CEP78: variants seen among roughly 807,000 people sequenced by gnomAD.
The protein encoded by CEP78 is centrosomal protein of 78 kDa.
In CEP78, 76 loss-of-function variants were observed where a neutral mutation model predicts 81.2. The ratio of observed to expected loss-of-function variants is 0.94; its 90% CI spans 0.78 to 1.13. The LOEUF (loss-of-function observed/expected upper bound fraction) is 1.13, where lower values mean the gene tolerates loss of function less well. CEP78 is among the 50% of genes most tolerant of loss of function. CEP78 has a pLI of 0.00. For synonymous variants in CEP78, 293 were observed against 301.4 expected (o/e 0.97, Z 0.29); for missense variants, 918 against 846.8 (o/e 1.08, Z -1.04).
chr9:78,254,616 A>G, intron 10 of CEP78: 1 of 208,682 alleles, frequency 4.8e-6, no homozygotes, highest in East Asian at 1.0e-4. Flanking sequence ...GGGCGATTCC[A>G]GTATTAATTA....
At chr9:78,257,052 A>G (rs1192099929) in intron 11 of CEP78, among the ~76,000 whole-genome samples, 2 of 152,054 alleles carry the variant, frequency 1.3e-5, no homozygotes, top group Non-Finnish European at 2.9e-5. Context: ...GAGGTCTAAC[A>G]TGTTACTGTA....
chr9:78,238,946 G>A (rs1301391517), intron 1 of CEP78, among the ~76,000 whole-genome samples: 1 of 151,824 alleles, frequency 6.6e-6, no homozygotes, highest in East Asian at 1.9e-4. Context: ...CCATGATTTT[G>A]CCACTGTACT....
In CEP78 at chr9:78,236,462, C is replaced by G; in HGVS notation, c.112C>G (p.Leu38Val). The change falls in exon 1 of 17, where the codon CTC (leucine) becomes GTC (valine). Residue 38 changes from leucine (L) to valine (V), a missense_variant. Physicochemically the swap from Leu to Val is conservative, Grantham distance 32 (BLOSUM62 1). Coordinates refer to ENST00000643273, the MANE Select transcript of CEP78 (RefSeq NM_001330691.3). ...SVPLPAVRAC[L>V]REGVLDFNAD... The stretch of plus-strand genomic sequence containing the variant: ...GCCGCTGCCCGCCGTGCGCGCCTGT[C>G]TCCGGGAGGGCGTGCTGGATTTCAA... The G allele has an allele frequency of 1.2e-6, 2 of 1,606,270 alleles. No homozygotes were observed. The highest frequency in any genetic ancestry group is 2.2e-5 in the East Asian group (1 of 44,630).
Position 78,239,881 on chromosome 9 carries a change from A to G in CEP78, c.254-142A>G, listed in dbSNP as rs1425901891. ...CTATGTACATAGTTTGGTATATCCC[A>G]TGTGGCTTGAGTTTACATGTGTCTG... On this transcript the variant is annotated intron_variant, in intron 1 of 16. Coordinates refer to ENST00000643273, the MANE Select transcript of CEP78 (RefSeq NM_001330691.3). 23 of 630,908 alleles carry G rather than the reference A, an allele frequency of 3.6e-5. No individual in the cohort carries two copies. In the Admixed American group the frequency reaches 7.9e-4, roughly 22 times the overall value. 39.1% of individuals were successfully genotyped at this position (630,908 alleles called of 1,614,324 possible).
At chr9:78,269,141 A>C (rs1055852853) in intron 16 of CEP78, among the ~76,000 whole-genome samples, 1 of 152,194 alleles carries the variant, frequency 6.6e-6, no homozygotes, top group African/African-American at 2.4e-5. Flanking sequence ...CTTAGCAAGA[A>C]GAGAAAGGGA....
At position 78,246,692 on chromosome 9, in the gene CEP78, C is replaced by G. The variant is rs369779785; in HGVS notation, c.802C>G (p.Leu268Val). The change falls in exon 6 of 17, where the codon CTC (leucine) becomes GTC (valine). Residue 268 changes from leucine (L) to valine (V), a missense_variant. By Grantham distance (32) the Leu-to-Val change is conservative (BLOSUM62 1). Coordinates refer to ENST00000643273, the MANE Select transcript of CEP78 (RefSeq NM_001330691.3). ...LRALDLQQCGLTNEGAKALLE... is the reference protein window; with the variant it reads ...LRALDLQQCGVTNEGAKALLE... ...AGCTCTTGACCTGCAACAGTGCGGC[C>G]TCACCAATGAAGGAGCAAAGGCTTT... 2.5e-6 allele frequency: 4 copies of G among 1,609,606 alleles called. No homozygotes were observed. In the African/African-American group the frequency reaches 5.4e-5, roughly 22 times the overall value.
At chr9:78,247,364 G>A (rs1826542388) in intron 6 of CEP78, among the ~76,000 whole-genome samples, 1 of 152,170 alleles carries the variant, frequency 6.6e-6, no homozygotes, top group South Asian at 2.1e-4. Flanking sequence ...AACAAGCCGT[G>A]GAAGATGCAG....
At chr9:78,260,081 T>A (rs898043940) in intron 11 of CEP78, among the ~76,000 whole-genome samples, 2 of 152,170 alleles carry the variant, frequency 1.3e-5, no homozygotes, top group African/African-American at 4.8e-5. Context: ...GCACTTTAAG[T>A]GGGAAGGTAA....
chr9:78,244,608 C>T (rs905314460), intron 5 of CEP78, among the ~76,000 whole-genome samples: 3 of 152,148 alleles, frequency 2.0e-5, no homozygotes, highest in African/African-American at 7.2e-5. Context: ...GAGAACTCCC[C>T]TGCTTTTTCT....
intron 1 of CEP78, among the ~76,000 whole-genome samples, 190 bp from the exon 2 acceptor site, chr9:78,239,833 C>T (rs1016927839): frequency 6.6e-6 from 1 of 152,178 alleles, no homozygotes; most frequent in Admixed American, 6.5e-5. Context: ...TTCAGTGCAA[C>T]TTCTTTGCTT....
rs770986139 is a variant in CEP78 at position 78,266,627 on chromosome 9, T to C, written c.2031T>C (p.Ser677=). 6.8e-6 allele frequency: 11 copies of C among 1,613,046 alleles called. No individual in the cohort carries two copies. In the South Asian group the frequency reaches 1.2e-4, roughly 18 times the overall value. Residue 677 remains serine, a synonymous_variant, in exon 16 of 17, where the codon TCT becomes TCC. Coordinates refer to ENST00000643273, the MANE Select transcript of CEP78 (RefSeq NM_001330691.3). ...RMCSPSPDAT[S]GTGSQRKEEE... ...GTTCTCCTTCACCAGATGCGACTTC[T>C]GGAACTGGAAGTCAAAGAAAAGAAG...
At chr9:78,247,884 G>A (rs1287344106) in intron 6 of CEP78, among the ~76,000 whole-genome samples, 3 of 152,178 alleles carry the variant, frequency 2.0e-5, no homozygotes, top group Non-Finnish European at 4.4e-5. Flanking sequence ...GGGTGGTACT[G>A]TTTATAGAGA....
intron 5 of CEP78, among the ~76,000 whole-genome samples, chr9:78,244,504 T>C (rs562870922): frequency 6.6e-6 from 1 of 152,374 alleles, no homozygotes; most frequent in Admixed American, 6.5e-5. Context: ...TTTTGATGCA[T>C]GTCACCAAAT....
At chr9:78,263,821 T>G (rs1387797078) in intron 12 of CEP78, among the ~76,000 whole-genome samples, 5 of 152,182 alleles carry the variant, frequency 3.3e-5, no homozygotes, top group Admixed American at 3.3e-4. Flanking sequence ...TGTAAAATGC[T>G]TACTCTTTAT....
At position 78,238,137 on chromosome 9, in the gene CEP78, A is replaced by C. The variant is rs191314519; in HGVS notation, c.253+1534A>C. On this transcript the variant is annotated intron_variant, in intron 1 of 16. Transcript: ENST00000643273. ...CAAAACTCTGTCTCAAAAAAAAAAA[A>C]AAAGAAGGGTAGGATTTCAGATATC... 3.4e-4 allele frequency among the ~76,000 whole-genome samples: 52 copies of C among 151,988 alleles called. No individual in the cohort carries two copies. In the East Asian group the frequency reaches 0.01, roughly 29 times the overall value.
chr9:78,266,933 T>G, intron 16 of CEP78: 1 of 1,425,232 alleles, frequency 7.0e-7, no homozygotes, highest in Non-Finnish European at 9.1e-7. Context: ...CACTAGAACA[T>G]TCTGAAAGTG....
At position 78,252,739 on chromosome 9, in the gene CEP78, A is replaced by G. The variant is rs139371783; in HGVS notation, c.1206-493A>G. Among the ~76,000 whole-genome samples, 900 of 152,346 alleles carry G rather than the reference A, an allele frequency of 5.9e-3. 12 individuals carry two copies. Among genetic ancestry groups the G allele is most frequent in the Middle Eastern group, 0.041 (12 of 294 alleles). On this transcript the variant is annotated intron_variant, in intron 9 of 16. Transcript: ENST00000643273. The stretch of plus-strand genomic sequence containing the variant: ...AGGTGCTATGTAAAATATCTGTTCA[A>G]TTGCTCAGATTAAATTGAATATGTA...
intron 12 of CEP78, among the ~76,000 whole-genome samples, chr9:78,263,381 G>A (rs966494752): frequency 3.9e-5 from 6 of 152,040 alleles, no homozygotes; most frequent in Non-Finnish European, 8.8e-5. Flanking sequence ...ATGGAAAACC[G>A]GTAAGAATGC....
At position 78,251,933 on chromosome 9, in the gene CEP78, T is replaced by C. The variant is rs764629000; in HGVS notation, c.1095T>C (p.Ser365=). 5.0e-6 allele frequency: 8 copies of C among 1,608,150 alleles called. No individual in the cohort carries two copies. In the African/African-American group the frequency reaches 1.1e-4, roughly 21 times the overall value. Residue 365 remains serine (S), a synonymous_variant, in exon 9 of 17, where the codon AGT becomes AGC. Coordinates refer to ENST00000643273, the MANE Select transcript of CEP78 (RefSeq NM_001330691.3). ...GATTGGCTACAAAGAAACCTGTAAG[T>C]AGTGGCAGAAAACACTCCCTTGGTA... ...RIGLATKKPV[S]SGRKHSLGKE...
Sources: allele counts gnomAD v4.1 joint callset (sites outside exome capture counted in the v4.1 genomes callset), GRCh38; gene constraint gnomAD v4.1.1; transcripts MANE v1.5; gene names NCBI Gene and HGNC (gene_info 2026-07-23, HGNC 2026-07-21).